KIRREL3: variants seen among roughly 807,000 people sequenced by gnomAD.
KIRREL3 encodes the protein kin of IRRE-like protein 3.
Under a neutral mutation model 89.7 loss-of-function variants are expected in KIRREL3, and 36 were observed. The observed-to-expected ratio is 0.40, with a 90% confidence interval of 0.31 to 0.53. The LOEUF (loss-of-function observed/expected upper bound fraction) is 0.53. Among genes scored for constraint, KIRREL3 ranks in the 20% least tolerant of loss-of-function variants. KIRREL3 has a pLI of 0.49. For missense variants in KIRREL3, 864 were observed against 1,056.6 expected (o/e 0.82, Z 2.53); for synonymous variants, 445 against 441.4 (o/e 1.01, Z -0.10).
rs1209428190 is a variant in KIRREL3 at position 126,965,062 on chromosome 11, A to G, written c.55+35393T>C. ...CTCCCAACTCAACAGATGGGATATT[A>G]GAGCCAAGAAAAAGTTAAGTAATTT... On this transcript the variant is annotated intron_variant, in intron 1 of 16. Coordinates refer to ENST00000525144, the MANE Select transcript of KIRREL3 (RefSeq NM_032531.4). The surrounding 1 kb of genome is among the most constrained non-coding windows in gnomAD (Gnocchi z 4.4). Among the ~76,000 whole-genome samples the G allele has an allele frequency of 6.6e-6, 1 of 152,224 alleles. No individual in the cohort carries two copies. The highest frequency in any genetic ancestry group is 1.5e-5 in the Non-Finnish European group (1 of 68,038).
Position 126,923,260 on chromosome 11 carries a change from TCTTCTTCTC to T in KIRREL3, c.55+77186_55+77194del, listed in dbSNP as rs1230040744. Among the ~76,000 whole-genome samples the T allele has an allele frequency of 2.4e-3, 228 of 96,662 alleles. 30 individuals carry two copies. The highest frequency in any genetic ancestry group is 8.9e-3 in the Middle Eastern group (2 of 224). The allele number at this position is 96,662 out of a possible 152,430, so 63.4% of individuals were successfully genotyped here. A position where few individuals can be genotyped will look rare whatever the true frequency, so the allele number is the denominator to read the frequency against. ...TTCTTCTTCTTCTTCTTCTTCTTCTTCTTCTTCTCCTTCTCCTTCTCCTTCTCCTTCTCC... is the reference window on the plus strand; with the variant it reads ...TTCTTCTTCTTCTTCTTCTTCTTCTTCTTCTCCTTCTCCTTCTCCTTCTCC... On this transcript the variant is annotated intron_variant, in intron 1 of 16. Transcript: ENST00000525144.
intron 1 of KIRREL3, among the ~76,000 whole-genome samples, chr11:126,980,659 A>G (rs1949696260): frequency 6.6e-6 from 1 of 152,212 alleles, no homozygotes; most frequent in Non-Finnish European, 1.5e-5. Context: ...AAAACGTGTC[A>G]TGACAAGAGA....
chr11:126,633,468 C>T lies in KIRREL3; in HGVS notation c.56-70556G>A, dbSNP rs543147550. Among the ~76,000 whole-genome samples the T allele has an allele frequency of 3.9e-5, 6 of 152,192 alleles. No homozygotes were observed. The South Asian group carries it at 1.2e-3, about 32-fold the overall frequency. ...AATGGCTTGGTGTCATTCTCATGCT[C>T]CTGGGAGTGAGTGAGTTCTCATTCT... is the stretch of plus-strand genomic sequence containing the variant. On this transcript the variant is annotated intron_variant, in intron 1 of 16. Transcript: ENST00000525144.
intron 1 of KIRREL3, among the ~76,000 whole-genome samples, chr11:126,847,864 T>C (rs1194762925): frequency 6.6e-6 from 1 of 152,204 alleles, no homozygotes; most frequent in African/African-American, 2.4e-5. Flanking sequence ...CTTATGGCAA[T>C]ATAGTTATTT....
At position 126,905,735 on chromosome 11, in the gene KIRREL3, T is replaced by C. The variant is rs1231254720; in HGVS notation, c.55+94720A>G. Among the ~76,000 whole-genome samples the C allele has an allele frequency of 2.6e-5, 4 of 152,112 alleles. No homozygotes were observed. Among genetic ancestry groups the C allele is most frequent in the Non-Finnish European group, 4.4e-5 (3 of 68,024 alleles). ...ACCTATGTGAGATGGAATTGTTGTG[T>C]ACCGCCACAGCCTGACAACACAGAG... is the stretch of plus-strand genomic sequence containing the variant. On this transcript the variant is annotated intron_variant, in intron 1 of 16. Transcript: ENST00000525144. The surrounding 1 kb of genome is among the most constrained non-coding windows in gnomAD (Gnocchi z 5.0).
chr11:126,912,218 C>T lies in KIRREL3; in HGVS notation c.55+88237G>A, dbSNP rs1946852109. On this transcript the variant is annotated intron_variant, in intron 1 of 16. Coordinates refer to ENST00000525144, the MANE Select transcript of KIRREL3 (RefSeq NM_032531.4). The surrounding 1 kb of genome is among the most constrained non-coding windows in gnomAD (Gnocchi z 4.7). The stretch of plus-strand genomic sequence containing the variant: ...GAATGAAAGCACAAGCCATCAATAG[C>T]ATGGTCATCTCCCTGGAGATGTGCA... 6.6e-6 allele frequency among the ~76,000 whole-genome samples: 1 copy of T among 152,064 alleles called. No homozygotes were observed. Among genetic ancestry groups the T allele is most frequent in the Non-Finnish European group, 1.5e-5 (1 of 68,026 alleles).
chr11:126,451,006 CG>C, intron 7 of KIRREL3, among the ~76,000 whole-genome samples: 1 of 127,570 alleles, frequency 7.8e-6, no homozygotes, highest in South Asian at 2.6e-4. Context: ...CATGTGTGCA[CG>C]TGAGTGCATG....
Position 126,704,715 on chromosome 11 carries a change from T to C in KIRREL3, c.56-141803A>G, listed in dbSNP as rs1196755460. On this transcript the variant is annotated intron_variant, in intron 1 of 16. Coordinates refer to ENST00000525144, the MANE Select transcript of KIRREL3 (RefSeq NM_032531.4). The surrounding 1 kb of genome is among the most constrained non-coding windows in gnomAD (Gnocchi z 4.2). ...ATGCCCACGCTTCCAGGATGGCTCC[T>C]GGCTGTCTGCGTTAGCAGGTCACTT... Among the ~76,000 whole-genome samples, 1 of 152,236 alleles carries C rather than the reference T, an allele frequency of 6.6e-6. No homozygotes were observed. The highest frequency in any genetic ancestry group is 6.5e-5 in the Admixed American group (1 of 15,280).
intron 1 of KIRREL3, among the ~76,000 whole-genome samples, chr11:126,688,696 T>G (rs1483225449): frequency 6.6e-6 from 1 of 152,192 alleles, no homozygotes; most frequent in Non-Finnish European, 1.5e-5. Flanking sequence ...ACAGTCAGTT[T>G]TCTGTAAGGT....
At chr11:126,834,495 A>C (rs1033321659) in intron 1 of KIRREL3, among the ~76,000 whole-genome samples, 1 of 152,242 alleles carries the variant, frequency 6.6e-6, no homozygotes, top group Non-Finnish European at 1.5e-5. Flanking sequence ...GAAAGAGAAA[A>C]AACTGATGAC....
Position 126,643,824 on chromosome 11 carries a change from G to A in KIRREL3, c.56-80912C>T, listed in dbSNP as rs1944561974. 2.6e-5 allele frequency among the ~76,000 whole-genome samples: 4 copies of A among 152,300 alleles called. No individual in the cohort carries two copies. The South Asian group carries it at 8.3e-4, about 32-fold the overall frequency. On this transcript the variant is annotated intron_variant, in intron 1 of 16. Transcript: ENST00000525144. The surrounding 1 kb of genome is among the most constrained non-coding windows in gnomAD (Gnocchi z 4.5). ...GTTATTATGAACTGGTGACCAAAAA[G>A]ATGAAGAGAATGAGGGGAGGAAGAG...
At position 126,748,453 on chromosome 11, in the gene KIRREL3, G is replaced by A. The variant is rs541919954; in HGVS notation, c.56-185541C>T. On this transcript the variant is annotated intron_variant, in intron 1 of 16. Transcript: ENST00000525144. The surrounding 1 kb of genome is among the most constrained non-coding windows in gnomAD (Gnocchi z 4.6). ...TATTTCATCAATAATTCTTGAGCTT[G>A]CCTACGGCGAGAATTATTCCCAGCA... Among the ~76,000 whole-genome samples the A allele has an allele frequency of 6.6e-6, 1 of 152,216 alleles. No individual in the cohort carries two copies. Among genetic ancestry groups the A allele is most frequent in the East Asian group, 1.9e-4 (1 of 5,198 alleles).
At position 126,652,638 on chromosome 11, in the gene KIRREL3, C is replaced by A. The variant is rs1480546498; in HGVS notation, c.56-89726G>T. Among the ~76,000 whole-genome samples the A allele has an allele frequency of 6.6e-6, 1 of 152,180 alleles. No homozygotes were observed. The highest frequency in any genetic ancestry group is 1.9e-4 in the East Asian group (1 of 5,188). On this transcript the variant is annotated intron_variant, in intron 1 of 16. Transcript: ENST00000525144. This position sits in a 1 kb window ranked among gnomAD's most constrained non-coding sequence, Gnocchi z 4.9. ...CTGATTCTGAAGCCTGGTCCTTGAT[C>A]TCTGTGCTCCATGACCTTCTGTAAT... is the stretch of plus-strand genomic sequence containing the variant.
intron 1 of KIRREL3, among the ~76,000 whole-genome samples, chr11:126,815,678 C>T (rs2134437301): frequency 1.3e-5 from 2 of 152,242 alleles, no homozygotes; most frequent in Middle Eastern, 6.8e-3. Flanking sequence ...GGACTACAGG[C>T]AGCCGCCACC....
rs559269696 is a variant in KIRREL3 at position 126,892,073 on chromosome 11, A to G, written c.55+108382T>C. The stretch of plus-strand genomic sequence containing the variant: ...CCTGAATTCTGATCCTGGCTCTATC[A>G]GTGTCTCTGTGCACCAGAGAGAGGC... On this transcript the variant is annotated intron_variant, in intron 1 of 16. Coordinates refer to ENST00000525144, the MANE Select transcript of KIRREL3 (RefSeq NM_032531.4). This position sits in a 1 kb window ranked among gnomAD's most constrained non-coding sequence, Gnocchi z 5.4. 9.9e-5 allele frequency among the ~76,000 whole-genome samples: 15 copies of G among 152,240 alleles called. No homozygotes were observed. The highest frequency in any genetic ancestry group is 8.5e-4 in the Admixed American group (13 of 15,302).
chr11:126,659,564 G>A (rs1281473120), intron 1 of KIRREL3, among the ~76,000 whole-genome samples: 4 of 152,170 alleles, frequency 2.6e-5, no homozygotes, highest in Admixed American at 6.5e-5. Flanking sequence ...GTCTCTGCTG[G>A]CCCATCACAC....
At position 126,677,052 on chromosome 11, in the gene KIRREL3, AT is replaced by A. The variant is rs58288550; in HGVS notation, c.56-114141del. Among the ~76,000 whole-genome samples the A allele has an allele frequency of 0.019, 2,774 of 146,612 alleles. 98 individuals are homozygous for A. Among genetic ancestry groups the A allele is most frequent in the African/African-American group, 0.063 (2,537 of 40,302 alleles). On this transcript the variant is annotated intron_variant, in intron 1 of 16. Coordinates refer to ENST00000525144, the MANE Select transcript of KIRREL3 (RefSeq NM_032531.4). This position sits in a 1 kb window ranked among gnomAD's most constrained non-coding sequence, Gnocchi z 5.1. ...ATCCTCCCGCCTTGGCCTCTCAAAG[AT>A]TTTTTTTTTTTAACAGCTGTATTGA...
rs772074108 is a variant in KIRREL3 at position 126,429,432 on chromosome 11, C to A, written c.1697-144G>T. The A allele has an allele frequency of 2.0e-4, 131 of 652,778 alleles. 1 individual carries two copies. Among genetic ancestry groups the A allele is most frequent in the Non-Finnish European group, 3.0e-4 (106 of 358,502 alleles). 40.4% of individuals were successfully genotyped at this position (652,778 alleles called of 1,614,324 possible). A position where few individuals can be genotyped will look rare whatever the true frequency, so the allele number is the denominator to read the frequency against. On this transcript the variant is annotated intron_variant, in intron 14 of 16. Coordinates refer to ENST00000525144, the MANE Select transcript of KIRREL3 (RefSeq NM_032531.4). This position sits in a 1 kb window ranked among gnomAD's most constrained non-coding sequence, Gnocchi z 5.2. ...GAACTCAGCAGCTTCACCAGCCCCC[C>A]ACCAATAGAACCTCCATATGGAGAT...
At position 126,993,610 on chromosome 11, in the gene KIRREL3, T is replaced by C. The variant is rs1051809480; in HGVS notation, c.55+6845A>G. On this transcript the variant is annotated intron_variant, in intron 1 of 16. Transcript: ENST00000525144. The surrounding 1 kb of genome is among the most constrained non-coding windows in gnomAD (Gnocchi z 6.1). ...TGCTCCCCAACCAGACTAAGAGCTC[T>C]GGGGCAGAAACATGGTCTTCATTAT... 3.9e-5 allele frequency among the ~76,000 whole-genome samples: 6 copies of C among 152,190 alleles called. No individual in the cohort carries two copies. The highest frequency in any genetic ancestry group is 8.8e-5 in the Non-Finnish European group (6 of 68,028).
Sources: allele counts gnomAD v4.1 joint callset (sites outside exome capture counted in the v4.1 genomes callset), GRCh38; gene constraint gnomAD v4.1.1; non-coding constraint Gnocchi (gnomAD v3.1); transcripts MANE v1.5; gene names NCBI Gene and HGNC (gene_info 2026-07-23, HGNC 2026-07-21).